The following SOX5 variants were observed in gnomAD, a reference collection of about 807,000 sequenced individuals.
The protein encoded by SOX5 is SRY-box transcription factor 5, also known as transcription factor SOX-5.
In SOX5, 9 loss-of-function variants were observed where a neutral mutation model predicts 92.0. The ratio of observed to expected loss-of-function variants is 0.10; its 90% CI spans 0.06 to 0.17. The LOEUF (loss-of-function observed/expected upper bound fraction) is 0.17, where lower values mean the gene tolerates loss of function less well. SOX5 is among the 10% of genes least tolerant of loss of function. The pLI is 1.00. For missense variants in SOX5, 642 were observed against 944.5 expected, an observed-to-expected ratio of 0.68 and a Z score of 4.20; for synonymous variants, 344 against 336.3, an observed-to-expected ratio of 1.02 and a Z score of -0.25.
At chr12:23,607,068 T>C (rs987383047) in intron 8 of SOX5, among the ~76,000 whole-genome samples, 1 of 152,166 alleles carries the variant, frequency 6.6e-6, no homozygotes, top group Non-Finnish European at 1.5e-5. Context: ...CCATAAACCC[T>C]TTCTCATATT....
intron 1 of SOX5, among the ~76,000 whole-genome samples, chr12:24,414,069 A>G (rs1232892825): frequency 6.6e-6 from 1 of 152,164 alleles, no homozygotes; most frequent in African/African-American, 2.4e-5. Context: ...TGAAGGAAAA[A>G]ATTCTTGTTC....
intron 1 of SOX5, among the ~76,000 whole-genome samples, chr12:24,378,967 G>A (rs1026616950): frequency 6.6e-6 from 1 of 152,094 alleles, no homozygotes; most frequent in Non-Finnish European, 1.5e-5. Flanking sequence ...GTCATGTTCC[G>A]CATCATTCAT....
intron 3 of SOX5, among the ~76,000 whole-genome samples, chr12:24,256,848 G>A (rs980732491): frequency 3.9e-5 from 6 of 152,142 alleles, no homozygotes; most frequent in East Asian, 1.9e-4. Context: ...CATGACTCCC[G>A]GCTTTGCTAT....
intron 1 of SOX5, among the ~76,000 whole-genome samples, chr12:24,553,919 G>A (rs1015053298): frequency 2.2e-4 from 34 of 152,176 alleles, no homozygotes; most frequent in African/African-American, 8.0e-4. Context: ...GGTTGGATGT[G>A]GAAAAGACAC....
At chr12:24,103,307 G>A (rs1196353667) in intron 4 of SOX5, among the ~76,000 whole-genome samples, 1 of 151,828 alleles carries the variant, frequency 6.6e-6, no homozygotes, top group African/African-American at 2.4e-5. Flanking sequence ...AGTTTTCTTG[G>A]CTTTCAGGAT....
At chr12:24,533,700 C>T (rs1437832063) in intron 1 of SOX5, among the ~76,000 whole-genome samples, 2 of 152,138 alleles carry the variant, frequency 1.3e-5, no homozygotes, top group African/African-American at 4.8e-5. Context: ...TTTTATTATA[C>T]ATTTGTTTTT....
intron 13 of SOX5, among the ~76,000 whole-genome samples, chr12:23,540,136 G>A (rs921193502): frequency 1.5e-4 from 22 of 151,650 alleles, no homozygotes; most frequent in African/African-American, 4.8e-4. Context: ...CTTGATTTGG[G>A]GGTGGCTGGC....
chr12:23,951,110 C>A, upstream of SOX5: 1 of 494,964 alleles, frequency 2.0e-6, no homozygotes, highest in Non-Finnish European at 3.7e-6. Context: ...AAAAGCCTTC[C>A]ATTGTTGAGA....
chr12:24,145,430 G>T (rs1328603555), intron 4 of SOX5, among the ~76,000 whole-genome samples: 2 of 152,092 alleles, frequency 1.3e-5, no homozygotes, highest in Non-Finnish European at 2.9e-5. Flanking sequence ...GCACTTGACA[G>T]AAACTCTAGT....
intron 4 of SOX5, among the ~76,000 whole-genome samples, chr12:24,163,045 C>G (rs1262576256): frequency 6.6e-6 from 1 of 152,040 alleles, no homozygotes; most frequent in African/African-American, 2.4e-5. Context: ...GCCCTAAGGA[C>G]GTAAGCTGGA....
intron 6 of SOX5, among the ~76,000 whole-genome samples, chr12:23,727,497 G>A (rs539823600): frequency 6.6e-6 from 1 of 152,198 alleles, no homozygotes; most frequent in African/African-American, 2.4e-5. Flanking sequence ...TGGCAGTTGG[G>A]AGTAACAGAA....
Position 24,258,281 on chromosome 12 carries a change from C to G in SOX5, c.-77+18935G>C, listed in dbSNP as rs150848057. 7.0e-4 allele frequency among the ~76,000 whole-genome samples: 106 copies of G among 151,760 alleles called. 3 individuals carry two copies. The East Asian group carries it at 0.019, about 27-fold the overall frequency. On this transcript the variant is annotated intron_variant, in intron 3 of 4. Transcript: ENST00000446891. ...TTTAGCCAGTCTCACCTGATTAAAA[C>G]AAAACAAACAAACAAACAAACAAAC...
intron 8 of SOX5, among the ~76,000 whole-genome samples, chr12:23,636,810 A>T (rs1012873939): frequency 2.0e-5 from 3 of 152,204 alleles, no homozygotes; most frequent in Non-Finnish European, 2.9e-5. Flanking sequence ...ATGTCTGAAG[A>T]AGGGCAATGC....
chr12:24,295,368 ATTAAG>A (rs754677086), intron 2 of SOX5, among the ~76,000 whole-genome samples: 3 of 152,240 alleles, frequency 2.0e-5, no homozygotes, highest in Non-Finnish European at 4.4e-5. Context: ...AACATAGAAA[ATTAAG>A]TTAAGAAACA....
chr12:24,241,882 C>G (rs998824805), intron 3 of SOX5, among the ~76,000 whole-genome samples: 13 of 151,926 alleles, frequency 8.6e-5, no homozygotes, highest in African/African-American at 3.1e-4. Flanking sequence ...ATTAAAGCTA[C>G]TGGGAAAAAA....
At chr12:23,661,732 G>A (rs1404186873) in intron 7 of SOX5, among the ~76,000 whole-genome samples, 1 of 152,148 alleles carries the variant, frequency 6.6e-6, no homozygotes, top group Non-Finnish European at 1.5e-5. Flanking sequence ...TTTCCAGCAG[G>A]AGCAAATGGA....
intron 4 of SOX5, among the ~76,000 whole-genome samples, chr12:24,071,519 CT>C (rs1274412124): frequency 1.3e-5 from 2 of 152,206 alleles, no homozygotes; most frequent in Non-Finnish European, 2.9e-5. Flanking sequence ...ACTGCAAGCT[CT>C]GCCTCCCAGG....
At chr12:23,984,468 G>A (rs1949877617) in intron 4 of SOX5, among the ~76,000 whole-genome samples, 1 of 152,180 alleles carries the variant, frequency 6.6e-6, no homozygotes, top group Admixed American at 6.6e-5. Context: ...GTTGAAGGAG[G>A]TTGGTGTATT....
chr12:24,299,755 T>C (rs1228812677), intron 2 of SOX5, among the ~76,000 whole-genome samples: 1 of 152,220 alleles, frequency 6.6e-6, no homozygotes, highest in African/African-American at 2.4e-5. Context: ...CATTCTTTCC[T>C]ACTACGCCAA....
Sources: allele counts gnomAD v4.1 joint callset (sites outside exome capture counted in the v4.1 genomes callset), GRCh38; gene constraint gnomAD v4.1.1; transcripts MANE v1.5; gene names NCBI Gene and HGNC (gene_info 2026-07-23, HGNC 2026-07-21).